The following RBFOX1 variants were observed in gnomAD, a reference collection of about 807,000 sequenced individuals.
RBFOX1 encodes RNA binding fox-1 homolog 1.
In RBFOX1, 8 loss-of-function variants were observed where a neutral mutation model predicts 57.7. The observed-to-expected ratio is 0.14, with a 90% confidence interval of 0.08 to 0.25. The LOEUF is 0.25. RBFOX1 is among the 10% of genes least tolerant of loss of function. RBFOX1 has a pLI of 1.00. For missense variants in RBFOX1, 611 were observed against 548.5 expected (o/e 1.11, Z -1.14); for synonymous variants, 326 against 222.4 (o/e 1.47, Z -4.15).
intron 1 of RBFOX1, among the ~76,000 whole-genome samples, chr16:6,193,379 TTATATATATATAC>T (rs1366515758): frequency 4.8e-5 from 3 of 63,136 alleles, no homozygotes; most frequent in African/African-American, 1.5e-4. Context: ...TATATATACA[TTATATATATATAC>T]TATATATATA....
chr16:5,255,322 TTCCATCCA>T (rs3041858), intron 1 of RBFOX1, among the ~76,000 whole-genome samples: 8 of 119,372 alleles, frequency 6.7e-5, no homozygotes, highest in African/African-American at 1.6e-4. Flanking sequence ...CCACACTTCC[TTCCATCCA>T]TCCATCCATC....
At chr16:6,400,142 C>A (rs186309358) in intron 2 of RBFOX1, among the ~76,000 whole-genome samples, 1 of 152,318 alleles carries the variant, frequency 6.6e-6, no homozygotes, top group Admixed American at 6.5e-5. Flanking sequence ...TATCCAACAA[C>A]TACAGCATGC....
Position 7,610,265 on chromosome 16 carries a change from G to A in RBFOX1, c.676+2927G>A, listed in dbSNP as rs920503512. Among the ~76,000 whole-genome samples, 30 of 150,450 alleles carry A rather than the reference G, an allele frequency of 2.0e-4. No homozygotes were observed. In the East Asian group the frequency reaches 3.5e-3, roughly 18 times the overall value. On this transcript the variant is annotated intron_variant, in intron 10 of 15. Transcript: ENST00000550418. ...CTCTCGAGTAGATGGGATTACAGGCGTCCACCACCATGCCCGGATCATTTT... is the reference window on the plus strand; with the variant it reads ...CTCTCGAGTAGATGGGATTACAGGCATCCACCACCATGCCCGGATCATTTT...
intron 4 of RBFOX1, among the ~76,000 whole-genome samples, chr16:7,293,838 A>C (rs1381438794): frequency 1.3e-5 from 2 of 152,070 alleles, no homozygotes; most frequent in South Asian, 2.1e-4. Flanking sequence ...GAAGGTATGC[A>C]ATGATGCCAG....
chr16:6,437,803 A>C (rs2094278365), intron 2 of RBFOX1, among the ~76,000 whole-genome samples: 1 of 152,182 alleles, frequency 6.6e-6, no homozygotes, highest in Non-Finnish European at 1.5e-5. Context: ...AGACCTCGTG[A>C]GAACTCATTC....
At chr16:7,357,656 G>A (rs952366412) in intron 4 of RBFOX1, among the ~76,000 whole-genome samples, 9 of 152,054 alleles carry the variant, frequency 5.9e-5, no homozygotes, top group Admixed American at 4.6e-4. Flanking sequence ...TCAGTCTCTT[G>A]CGCAGGACTT....
At chr16:5,640,714 T>G (rs1431615412) in intron 3 of RBFOX1, among the ~76,000 whole-genome samples, 1 of 143,018 alleles carries the variant, frequency 7.0e-6, no homozygotes, top group African/African-American at 2.6e-5. Flanking sequence ...TGCACACACG[T>G]ACACTATGCA....
rs1263018302 is a variant in RBFOX1, at chr16:5,293,591, A to G, written c.219+53486A>G. On this transcript the variant is annotated intron_variant, in intron 1 of 2. Transcript: ENST00000585867. ...GCACCAATACTTCCATTGTATGGATATAGCACATTTTGTTTATTCATTCAT... is the reference window on the plus strand; with the variant it reads ...GCACCAATACTTCCATTGTATGGATGTAGCACATTTTGTTTATTCATTCAT... Among the ~76,000 whole-genome samples the G allele has an allele frequency of 3.3e-5, 5 of 152,336 alleles. 1 individual carries two copies. The South Asian group carries it at 8.3e-4, about 25-fold the overall frequency.
chr16:5,392,167 C>G (rs2066429323), intron 1 of RBFOX1, among the ~76,000 whole-genome samples: 1 of 152,064 alleles, frequency 6.6e-6, no homozygotes, highest in South Asian at 2.1e-4. Flanking sequence ...TAAAAGACTA[C>G]AAATTGGGTT....
At chr16:5,422,024 TA>T (rs1209779238) in intron 1 of RBFOX1, among the ~76,000 whole-genome samples, 1 of 152,232 alleles carries the variant, frequency 6.6e-6, no homozygotes, top group African/African-American at 2.4e-5. Context: ...GGGTTTTCTT[TA>T]AAAGCAATTA....
chr16:6,479,005 G>A (rs2095328352), intron 2 of RBFOX1, among the ~76,000 whole-genome samples: 1 of 152,092 alleles, frequency 6.6e-6, no homozygotes, highest in South Asian at 2.1e-4. Context: ...CTCAGCACAA[G>A]GTTGCCACAA....
At chr16:7,148,085 C>G (rs1458059880) in intron 4 of RBFOX1, among the ~76,000 whole-genome samples, 1 of 152,126 alleles carries the variant, frequency 6.6e-6, no homozygotes, top group Non-Finnish European at 1.5e-5. Context: ...GCAGACAAAC[C>G]TAGTCACAGC....
chr16:7,627,215 T>C (rs1436987192), intron 10 of RBFOX1, among the ~76,000 whole-genome samples: 1 of 144,138 alleles, frequency 6.9e-6, no homozygotes, highest in Non-Finnish European at 1.5e-5. Context: ...CAATTTGAAA[T>C]GGTTTAATCT....
intron 3 of RBFOX1, among the ~76,000 whole-genome samples, chr16:5,846,862 G>A (rs2056770083): frequency 1.3e-5 from 2 of 152,168 alleles, no homozygotes; most frequent in South Asian, 2.1e-4. Context: ...GAGCAGCTGC[G>A]GAGAAGGACA....
At chr16:7,294,796 ATG>A (rs2095859263) in intron 4 of RBFOX1, among the ~76,000 whole-genome samples, 1 of 151,950 alleles carries the variant, frequency 6.6e-6, no homozygotes, top group African/African-American at 2.4e-5. Context: ...GATGATGATG[ATG>A]ATGACAGTGG....
chr16:6,769,027 A>C (rs568149399), intron 3 of RBFOX1, among the ~76,000 whole-genome samples: 50 of 152,064 alleles, frequency 3.3e-4, no homozygotes, highest in Non-Finnish European at 6.5e-4. Context: ...GCGCCCAGCC[A>C]ATATTACTTC....
intron 3 of RBFOX1, among the ~76,000 whole-genome samples, chr16:5,832,568 C>T (rs1405804274): frequency 1.3e-5 from 2 of 152,226 alleles, no homozygotes; most frequent in African/African-American, 4.8e-5. Flanking sequence ...CACATGTTAG[C>T]TGTCACTGTT....
chr16:7,213,148 C>G (rs2091452130), intron 4 of RBFOX1, among the ~76,000 whole-genome samples: 1 of 152,144 alleles, frequency 6.6e-6, no homozygotes. Context: ...GAAGCCCGAA[C>G]TCCCTAACCA....
intron 1 of RBFOX1, among the ~76,000 whole-genome samples, chr16:5,440,958 T>G (rs1353171687): frequency 6.6e-6 from 1 of 152,134 alleles, no homozygotes; most frequent in Non-Finnish European, 1.5e-5. Context: ...GTCATACTTC[T>G]CCCAAGCAGC....
Sources: allele counts gnomAD v4.1 joint callset (sites outside exome capture counted in the v4.1 genomes callset), GRCh38; gene constraint gnomAD v4.1.1; transcripts MANE v1.5; gene names NCBI Gene and HGNC (gene_info 2026-07-23, HGNC 2026-07-21).